Variants in AHI1 observed in about 807,000 individuals in gnomAD.
AHI1 encodes the protein jouberin.
In AHI1, 123 loss-of-function variants were observed where a neutral mutation model predicts 149.3. That is an observed-to-expected ratio of 0.82 (90% CI 0.71 to 0.96). The LOEUF (loss-of-function observed/expected upper bound fraction) is 0.96, where lower values mean the gene tolerates loss of function less well. Ranked by LOEUF, AHI1 falls within the 40% of genes least tolerant of loss-of-function variation. AHI1 has a pLI of 0.00. For synonymous variants in AHI1, 475 were observed against 459.8 expected, an observed-to-expected ratio of 1.03 and a Z score of -0.42; for missense variants, 1,439 against 1,422.7, an observed-to-expected ratio of 1.01 and a Z score of -0.18.
intron 23 of AHI1, among the ~76,000 whole-genome samples, chr6:135,362,084 T>C (rs976293447): frequency 6.6e-6 from 1 of 152,130 alleles, no homozygotes; most frequent in Non-Finnish European, 1.5e-5. Flanking sequence ...TTCCTTTTTA[T>C]GACTAAGTAG....
At chr6:135,383,333 G>A (rs889936628) in intron 23 of AHI1, among the ~76,000 whole-genome samples, 14 of 148,334 alleles carry the variant, frequency 9.4e-5, no homozygotes, top group African/African-American at 2.8e-4. Context: ...GGGTTCAATC[G>A]ATTCCCCTCT....
chr6:135,340,095 G>A (rs1331732572), intron 24 of AHI1, among the ~76,000 whole-genome samples: 1 of 152,250 alleles, frequency 6.6e-6, no homozygotes, highest in African/African-American at 2.4e-5. Context: ...GAAGGGGCCA[G>A]GTGCCGTGGC....
rs1786316239 is a variant in AHI1, at chr6:135,318,519, C to CT, written c.3425dup (p.Gln1143AlafsTer5). On this transcript the variant is annotated frameshift_variant and splice_region_variant, in exon 26 of 29. Coordinates refer to ENST00000265602, the MANE Select transcript of AHI1 (RefSeq NM_001134831.2). LOFTEE classifies it high-confidence loss of function. ...AATACGTATGCTCAAAAACATTTAC[C>CT]TTTTGAGGAGCTGGAGATTTTTCTA... is the stretch of plus-strand genomic sequence containing the variant. The CT allele has an allele frequency of 1.3e-6, 2 of 1,571,170 alleles. No individual in the cohort carries two copies. The highest frequency in any genetic ancestry group is 1.7e-6 in the Non-Finnish European group (2 of 1,153,108).
chr6:135,373,457 C>T (rs1008068069), intron 23 of AHI1, among the ~76,000 whole-genome samples: 1 of 152,146 alleles, frequency 6.6e-6, no homozygotes, highest in Non-Finnish European at 1.5e-5. Context: ...TAAAATGTAT[C>T]GCCACTGTTA....
chr6:135,305,777 A>G (rs527497650), intron 26 of AHI1, among the ~76,000 whole-genome samples: 7 of 152,280 alleles, frequency 4.6e-5, no homozygotes, highest in Admixed American at 4.6e-4. Context: ...CCTCCTTAAC[A>G]TGCCAGCCAA....
chr6:135,435,253 G>A (rs1043778240), intron 15 of AHI1: 1 of 152,166 alleles, frequency 6.6e-6, no homozygotes, highest in African/African-American at 2.4e-5. Flanking sequence ...GATGTAAAGA[G>A]TCCTAAATTA....
intron 23 of AHI1, among the ~76,000 whole-genome samples, chr6:135,394,059 C>G (rs543571041): frequency 6.6e-6 from 1 of 152,002 alleles, no homozygotes; most frequent in African/African-American, 2.4e-5. Flanking sequence ...TCTTCTCATA[C>G]GCAAATTTTC....
At chr6:135,495,256 G>A (rs376791789) in intron 3 of AHI1, 2 of 151,924 alleles carry the variant, frequency 1.3e-5, no homozygotes, top group Admixed American at 6.6e-5. Flanking sequence ...TCGTTTCTTC[G>A]CTTAAAATTC....
chr6:135,333,894 T>C (rs373158448), intron 24 of AHI1, among the ~76,000 whole-genome samples: 3 of 152,102 alleles, frequency 2.0e-5, no homozygotes, highest in East Asian at 3.9e-4. Context: ...ACAGCATTCA[T>C]AGATTTTAAG....
At chr6:135,421,254 TGACA>T (rs972318143) in intron 20 of AHI1, among the ~76,000 whole-genome samples, 2 of 152,122 alleles carry the variant, frequency 1.3e-5, no homozygotes, top group Non-Finnish European at 2.9e-5. Context: ...TACGAAAATG[TGACA>T]GAGAGACACC....
chr6:135,337,290 A>C (rs149588997), intron 24 of AHI1, among the ~76,000 whole-genome samples: 161 of 152,374 alleles, frequency 1.1e-3, no homozygotes, highest in African/African-American at 3.7e-3. Flanking sequence ...CAAGCAAGCT[A>C]CATGGGAAAT....
At chr6:135,304,633 T>A (rs966475049) in intron 26 of AHI1, among the ~76,000 whole-genome samples, 9 of 152,052 alleles carry the variant, frequency 5.9e-5, no homozygotes, top group Non-Finnish European at 1.3e-4. Context: ...TAGCCGGGTG[T>A]GGTGGCGGGC....
intron 26 of AHI1, among the ~76,000 whole-genome samples, chr6:135,309,205 C>G (rs1261202850): frequency 2.0e-5 from 3 of 152,080 alleles, no homozygotes; most frequent in African/African-American, 7.2e-5. Context: ...TTTCAGGACT[C>G]TATTGTTGGG....
rs555638240 is a variant in AHI1 at position 135,321,458 on chromosome 6, G to A, written c.3328+1704C>T. Among the ~76,000 whole-genome samples, 68 of 152,178 alleles carry A rather than the reference G, an allele frequency of 4.5e-4. 1 individual carries two copies. Among genetic ancestry groups the A allele is most frequent in the African/African-American group, 1.5e-3 (62 of 41,510 alleles). ...AAACTGAAGAAGGGAGCTGCAATGGGACTTAGGGCACTTGAGAGACTGGGG... is the reference window on the plus strand; with the variant it reads ...AAACTGAAGAAGGGAGCTGCAATGGAACTTAGGGCACTTGAGAGACTGGGG... On this transcript the variant is annotated intron_variant, in intron 25 of 28. Coordinates refer to ENST00000265602, the MANE Select transcript of AHI1 (RefSeq NM_001134831.2).
At chr6:135,314,377 T>C (rs978654029) in intron 26 of AHI1, among the ~76,000 whole-genome samples, 9 of 152,244 alleles carry the variant, frequency 5.9e-5, no homozygotes, top group Non-Finnish European at 1.3e-4. Context: ...GCCAGCACAT[T>C]GATCATGAAC....
In AHI1 at chr6:135,411,465, G is replaced by C. The variant is rs1781582151; in HGVS notation, c.2844C>G (p.Ala948=). 6.2e-7 allele frequency: 1 copy of C among 1,613,224 alleles called. No homozygotes were observed. Residue 948 remains alanine, a synonymous_variant, in exon 21 of 29, where the codon GCC becomes GCG. Coordinates refer to ENST00000265602, the MANE Select transcript of AHI1 (RefSeq NM_001134831.2). ...PLPGIHQSQD[A]LCTCPKLPHQ... Reference sequence around the variant, plus strand: ...GGGGTAGTTTTGGACAGGTACATAGGGCATCTTGACTTTGGTGTATTCCAG... The same window carrying C: ...GGGGTAGTTTTGGACAGGTACATAGCGCATCTTGACTTTGGTGTATTCCAG...
chr6:135,364,195 G>A (rs1395731316), intron 23 of AHI1, among the ~76,000 whole-genome samples: 1 of 151,674 alleles, frequency 6.6e-6, no homozygotes, highest in East Asian at 2.0e-4. Flanking sequence ...GCCAGGCAGA[G>A]GGTCTCCTCA....
intron 27 of AHI1, among the ~76,000 whole-genome samples, chr6:135,296,142 A>G (rs1437863010): frequency 1.3e-5 from 2 of 152,224 alleles, no homozygotes; most frequent in Non-Finnish European, 2.9e-5. Flanking sequence ...GGCGTGAGCC[A>G]CCGCGCCTGG....
chr6:135,377,309 G>C (rs985908362), intron 23 of AHI1, among the ~76,000 whole-genome samples: 1 of 151,872 alleles, frequency 6.6e-6, no homozygotes, highest in Non-Finnish European at 1.5e-5. Context: ...GGAATAATAG[G>C]CCCTGAATAG....
Sources: allele counts gnomAD v4.1 joint callset (sites outside exome capture counted in the v4.1 genomes callset), GRCh38; gene constraint gnomAD v4.1.1; transcripts MANE v1.5; gene names NCBI Gene and HGNC (gene_info 2026-07-23, HGNC 2026-07-21).